The following FAT3 variants were observed in gnomAD, a reference collection of about 807,000 sequenced individuals.
The protein encoded by FAT3 is protocadherin Fat 3.
Under a neutral mutation model 310.2 loss-of-function variants are expected in FAT3, and 95 were observed. The ratio of observed to expected loss-of-function variants is 0.31; its 90% CI spans 0.26 to 0.36. FAT3 has a LOEUF of 0.36. Ranked by LOEUF, FAT3 falls within the 10% of genes least tolerant of loss-of-function variation. The pLI, the probability that FAT3 is intolerant of heterozygous loss-of-function variation, is 1.00. For synonymous variants in FAT3, 2,314 were observed against 2,192.9 expected (o/e 1.06, Z -1.54); for missense variants, 5,408 against 5,715.6 (o/e 0.95, Z 1.74).
At chr11:92,522,928 G>A (rs1355970290) in intron 2 of FAT3, among the ~76,000 whole-genome samples, 4 of 152,000 alleles carry the variant, frequency 2.6e-5, no homozygotes, top group Admixed American at 2.0e-4. Flanking sequence ...GTGTGCTATG[G>A]GCCCTATGAG....
intron 24 of FAT3, among the ~76,000 whole-genome samples, chr11:92,886,159 C>A (rs913378837): frequency 2.0e-5 from 3 of 152,172 alleles, no homozygotes; most frequent in Admixed American, 2.0e-4. Flanking sequence ...TCACATTTCC[C>A]CCCAAAGTAT....
intron 19 of FAT3, among the ~76,000 whole-genome samples, chr11:92,850,835 A>G (rs1738456893): frequency 6.6e-6 from 1 of 152,198 alleles, no homozygotes; most frequent in African/African-American, 2.4e-5. Context: ...TAAATATGGT[A>G]GCGAAACCTT....
intron 2 of FAT3, among the ~76,000 whole-genome samples, chr11:92,492,253 A>G (rs1952624141): frequency 7.5e-6 from 1 of 133,064 alleles, no homozygotes; most frequent in African/African-American, 3.9e-5. Context: ...CCATCCATCC[A>G]TCCATCCATC....
At chr11:92,419,414 G>A (rs1950491191) in intron 2 of FAT3, among the ~76,000 whole-genome samples, 1 of 152,062 alleles carries the variant, frequency 6.6e-6, no homozygotes, top group Admixed American at 6.6e-5. Context: ...TAATTAACTT[G>A]CATAGATCCA....
chr11:92,765,398 A>G (rs1946279275), intron 6 of FAT3, among the ~76,000 whole-genome samples: 1 of 151,992 alleles, frequency 6.6e-6, no homozygotes, highest in Admixed American at 6.5e-5. Context: ...TCTCATTTCT[A>G]AATGTATTGA....
intron 3 of FAT3, among the ~76,000 whole-genome samples, chr11:92,543,769 A>G (rs540054033): frequency 2.6e-5 from 4 of 152,188 alleles, no homozygotes; most frequent in Non-Finnish European, 4.4e-5. Flanking sequence ...CTTGATTTGT[A>G]TATTAATTAT....
Position 92,792,865 on chromosome 11 carries a change from G to A in FAT3, c.4710G>A (p.Leu1570=), listed in dbSNP as rs1302729168. 5 of 1,613,706 alleles carry A rather than the reference G, an allele frequency of 3.1e-6. No individual in the cohort carries two copies. The African/African-American group carries it at 6.7e-5, about 22-fold the overall frequency. The change falls in exon 9 of 28, where the codon CTG becomes CTA. Residue 1570 remains leucine, a synonymous_variant. Transcript: ENST00000525166. ...ACAGTCCTTATTTTACCAACCCACTGTATGAAGCGTCTGTGTTTGAATCTG... is the reference window on the plus strand; with the variant it reads ...ACAGTCCTTATTTTACCAACCCACTATATGAAGCGTCTGTGTTTGAATCTG... ...NDHSPYFTNP[L]YEASVFESAA...
intron 2 of FAT3, among the ~76,000 whole-genome samples, chr11:92,504,659 T>G (rs1953046520): frequency 6.6e-6 from 1 of 152,160 alleles, no homozygotes; most frequent in African/African-American, 2.4e-5. Context: ...TGGAATTTAT[T>G]GATTTCCCCA....
chr11:92,406,548 C>T (rs1185257900), intron 2 of FAT3: 2 of 152,050 alleles, frequency 1.3e-5, no homozygotes, highest in African/African-American at 4.8e-5. Flanking sequence ...CCAAGGGAAC[C>T]AAGGTGTTCT....
At position 92,649,885 on chromosome 11, in the gene FAT3, A is replaced by G. The variant is rs1487677944; in HGVS notation, c.3608-47499A>G. On this transcript the variant is annotated intron_variant, in intron 3 of 27. Transcript: ENST00000525166. ...CCACTTTGTATGTTCATATATATAT[A>G]TATATATATATATATATATATATAT... Among the ~76,000 whole-genome samples, 8 of 57,356 alleles carry G rather than the reference A, an allele frequency of 1.4e-4. 1 individual carries two copies. Among genetic ancestry groups the G allele is most frequent in the African/African-American group, 4.5e-4 (7 of 15,470 alleles). The allele number at this position is 57,356 out of a possible 152,430, so 37.6% of individuals were successfully genotyped here. A position where few individuals can be genotyped will look rare whatever the true frequency, so the allele number is the denominator to read the frequency against.
chr11:92,795,496 A>G lies in FAT3; in HGVS notation c.4823-2340A>G, dbSNP rs548271193. Among the ~76,000 whole-genome samples the G allele has an allele frequency of 3.3e-5, 5 of 152,116 alleles. No individual in the cohort carries two copies. The East Asian group carries it at 9.7e-4, about 30-fold the overall frequency. ...TAAGCAGGAAGTGGATTCCAAGAGAATGGGTCAGTGTGTCAAAGAGGGAAA... is the reference window on the plus strand; with the variant it reads ...TAAGCAGGAAGTGGATTCCAAGAGAGTGGGTCAGTGTGTCAAAGAGGGAAA... On this transcript the variant is annotated intron_variant, in intron 9 of 27. Coordinates refer to ENST00000525166, the MANE Select transcript of FAT3 (RefSeq NM_001367949.2).
At chr11:92,399,499 ATATT>A (rs1471653656) in intron 2 of FAT3, among the ~76,000 whole-genome samples, 7 of 152,174 alleles carry the variant, frequency 4.6e-5, no homozygotes, top group African/African-American at 1.7e-4. Flanking sequence ...CTCATATGAA[ATATT>A]TAATTAAATT....
At chr11:92,545,797 T>C (rs894118374) in intron 3 of FAT3, among the ~76,000 whole-genome samples, 4 of 152,222 alleles carry the variant, frequency 2.6e-5, no homozygotes, top group Admixed American at 1.3e-4. Context: ...AAGACAGCGT[T>C]ATCCCATATC....
intron 2 of FAT3, among the ~76,000 whole-genome samples, chr11:92,372,267 T>A (rs536279549): frequency 6.6e-6 from 1 of 152,124 alleles, no homozygotes; most frequent in East Asian, 1.9e-4. Context: ...GAGTACTGGA[T>A]TGGGGGGCTT....
At chr11:92,457,345 A>G (rs1239313837) in intron 2 of FAT3, among the ~76,000 whole-genome samples, 1 of 152,154 alleles carries the variant, frequency 6.6e-6, no homozygotes, top group Non-Finnish European at 1.5e-5. Flanking sequence ...AGAAGGAAGA[A>G]TTGCAGGTCT....
chr11:92,834,581 G>A (rs1164110608), intron 14 of FAT3, among the ~76,000 whole-genome samples: 1 of 152,218 alleles, frequency 6.6e-6, no homozygotes, highest in Admixed American at 6.5e-5. Flanking sequence ...AGTTGTGTGA[G>A]AGTGAAGATG....
At chr11:92,559,533 C>A in intron 3 of FAT3, 1 of 319,328 alleles carries the variant, frequency 3.1e-6, no homozygotes, top group Non-Finnish European at 6.2e-6. Context: ...TATAGGCATG[C>A]ACCGCCATGC....
At chr11:92,593,480 A>T (rs1233835673) in intron 3 of FAT3, among the ~76,000 whole-genome samples, 1 of 151,428 alleles carries the variant, frequency 6.6e-6, no homozygotes, top group Admixed American at 6.6e-5. Context: ...AATGAATGTG[A>T]GGTGGTCTAA....
chr11:92,420,000 C>T (rs373870235), intron 2 of FAT3, among the ~76,000 whole-genome samples: 3 of 152,124 alleles, frequency 2.0e-5, no homozygotes, highest in South Asian at 2.1e-4. Context: ...ACAGAGAGTC[C>T]GTTTAGATTT....
Sources: allele counts gnomAD v4.1 joint callset (sites outside exome capture counted in the v4.1 genomes callset), GRCh38; gene constraint gnomAD v4.1.1; transcripts MANE v1.5; gene names NCBI Gene and HGNC (gene_info 2026-07-23, HGNC 2026-07-21).